Variants in ZMYM2 observed in about 807,000 individuals in gnomAD.
ZMYM2 encodes the protein zinc finger MYM-type containing 2.
A neutral mutation model predicts 162.8 loss-of-function variants in ZMYM2; 56 were observed. That is an observed-to-expected ratio of 0.34 (90% CI 0.28 to 0.43). The LOEUF is 0.43. Among genes scored for constraint, ZMYM2 ranks in the 20% least tolerant of loss-of-function variants. The probability of loss-of-function intolerance (pLI) is 1.00; values close to 1 mark genes in which losing one functional copy is unlikely to be tolerated. For missense variants in ZMYM2, 1,275 were observed against 1,621.8 expected, an observed-to-expected ratio of 0.79 and a Z score of 3.67; for synonymous variants, 510 against 541.6, an observed-to-expected ratio of 0.94 and a Z score of 0.81.
At chr13:19,929,712 T>C in the ZMYM2 span, among the ~76,000 whole-genome samples, 1 of 152,248 alleles carries the variant, frequency 6.6e-6, no homozygotes, top group Non-Finnish European at 1.5e-5. Flanking sequence ...CTCAGACTTC[T>C]ATTTTCTAAT....
At chr13:19,952,242 G>A in the ZMYM2 span, among the ~76,000 whole-genome samples, 1 of 152,226 alleles carries the variant, frequency 6.6e-6, no homozygotes, top group Admixed American at 6.5e-5. Context: ...GGTGGCATGA[G>A]AGTTTGGTGG....
At chr13:19,994,859 GTC>G (rs1401461677) in intron 3 of ZMYM2, among the ~76,000 whole-genome samples, 1 of 151,878 alleles carries the variant, frequency 6.6e-6, no homozygotes, top group Non-Finnish European at 1.5e-5. Flanking sequence ...TTGGGACAGG[GTC>G]TCTCTCTGTC....
chr13:19,932,311 A>G, the ZMYM2 span, among the ~76,000 whole-genome samples: 1 of 152,156 alleles, frequency 6.6e-6, no homozygotes, highest in Admixed American at 6.6e-5. Context: ...AGAGGAAGTC[A>G]GGAGGGTGAG....
chr13:19,937,624 AT>A, the ZMYM2 span, among the ~76,000 whole-genome samples: 4,249 of 147,052 alleles, frequency 0.029, 148 homozygotes, highest in African/African-American at 0.085. Context: ...TTTTTAAATT[AT>A]TTTTTTTATA....
At chr13:20,030,547 T>C (rs1451800961) in intron 9 of ZMYM2, among the ~76,000 whole-genome samples, 18 of 152,266 alleles carry the variant, frequency 1.2e-4, no homozygotes, top group Non-Finnish European at 2.4e-4. Flanking sequence ...TACAGGCACC[T>C]GCCACCACCC....
At position 20,082,103 on chromosome 13, in the gene ZMYM2, A is replaced by G. The variant is rs1566477572; in HGVS notation, c.3541A>G (p.Ser1181Gly). Residue 1181 changes from serine (S) to glycine (G), a missense_variant, in exon 22 of 25, where the codon AGC becomes GGC. Physicochemically the swap from Ser to Gly is moderately conservative, Grantham distance 56. Around this residue, in one of 10 missense-constraint regions of ZMYM2, gnomAD observed 103 missense variants for 192.2 expected, o/e 0.54. Coordinates refer to ENST00000610343, the MANE Select transcript of ZMYM2 (RefSeq NM_197968.4). ...GCAAGAATTGAATAAAATACTGCGA[A>G]GCTGGCAACCAAGCATACTTCCAGA... is the stretch of plus-strand genomic sequence containing the variant. ...FEQELNKILR[S>G]WQPSILPDGS... The G allele has an allele frequency of 6.2e-7, 1 of 1,605,640 alleles. No individual in the cohort carries two copies. Among genetic ancestry groups the G allele is most frequent in the East Asian group, 2.3e-5 (1 of 44,396 alleles).
At chr13:19,991,180 C>T (rs559869650) in intron 2 of ZMYM2, among the ~76,000 whole-genome samples, 12 of 151,702 alleles carry the variant, frequency 7.9e-5, no homozygotes. Context: ...GTGGCACAAT[C>T]GTAGCTCACT....
chr13:19,931,472 A>G, the ZMYM2 span, among the ~76,000 whole-genome samples: 1 of 152,154 alleles, frequency 6.6e-6, no homozygotes, highest in Non-Finnish European at 1.5e-5. Context: ...TGTTTCACCT[A>G]TCCGTCCCTC....
chr13:19,917,025 C>A, the ZMYM2 span, among the ~76,000 whole-genome samples: 1 of 152,088 alleles, frequency 6.6e-6, no homozygotes, highest in Admixed American at 6.5e-5. Context: ...TCCAGTGGAG[C>A]GATCTCCGCT....
chr13:20,035,693 TC>T (rs1200338022), intron 11 of ZMYM2, among the ~76,000 whole-genome samples: 1 of 152,274 alleles, frequency 6.6e-6, no homozygotes, highest in African/African-American at 2.4e-5. Context: ...ATTTATACAT[TC>T]AGATCGGTAA....
At position 20,006,554 on chromosome 13, in the gene ZMYM2, T is replaced by G; in HGVS notation, c.1480T>G (p.Cys494Gly). 1 of 1,613,882 alleles carries G rather than the reference T, an allele frequency of 6.2e-7. No homozygotes were observed. The highest frequency in any genetic ancestry group is 8.5e-7 in the Non-Finnish European group (1 of 1,179,834). Reference sequence around the variant, plus strand: ...GATTGATGGTCAACAGAAAAGATTTTGCTGTCAAAGTTGTGTCAGTGAATA... The same window carrying G: ...GATTGATGGTCAACAGAAAAGATTTGGCTGTCAAAGTTGTGTCAGTGAATA... ...LVIDGQQKRFCCQSCVSEYKQ... is the reference protein window; with the variant it reads ...LVIDGQQKRFGCQSCVSEYKQ... The change falls in exon 6 of 25, where the codon TGC becomes GGC. Residue 494 changes from cysteine to glycine, a missense_variant. Physicochemically the swap from Cys to Gly is radical, Grantham distance 159. Around this residue, in one of 10 missense-constraint regions of ZMYM2, gnomAD observed 276 missense variants for 311.8 expected, o/e 0.89. Transcript: ENST00000610343.
chr13:19,890,973 T>C, the ZMYM2 span, among the ~76,000 whole-genome samples: 3 of 152,048 alleles, frequency 2.0e-5, no homozygotes, highest in East Asian at 5.8e-4. Flanking sequence ...TATAAGTGGT[T>C]AGAGCCTAGG....
At chr13:20,027,414 A>G in intron 9 of ZMYM2, 96 bp downstream of exon 9, 1 of 964,182 alleles carries the variant, frequency 1.0e-6, no homozygotes, top group Non-Finnish European at 1.4e-6. Context: ...CTTAATTTTT[A>G]CGTAGCTTGT....
intron 4 of ZMYM2, among the ~76,000 whole-genome samples, chr13:20,004,719 AG>A (rs1179918750): frequency 6.6e-6 from 1 of 152,196 alleles, no homozygotes; most frequent in Non-Finnish European, 1.5e-5. Flanking sequence ...CTACTTATCC[AG>A]GGGAGGGAAT....
chr13:19,985,122 T>C (rs1327245400), intron 2 of ZMYM2, among the ~76,000 whole-genome samples: 2 of 152,164 alleles, frequency 1.3e-5, no homozygotes, highest in African/African-American at 4.8e-5. Context: ...TTCAGCTTCA[T>C]TGTGTTTTTT....
chr13:19,910,622 C>T, the ZMYM2 span, among the ~76,000 whole-genome samples: 5 of 150,980 alleles, frequency 3.3e-5, no homozygotes, highest in African/African-American at 9.8e-5. Flanking sequence ...TCCTCCCGGG[C>T]GTGAACCACC....
chr13:20,045,843 T>C (rs554591442), intron 12 of ZMYM2, among the ~76,000 whole-genome samples: 2 of 152,106 alleles, frequency 1.3e-5, no homozygotes, highest in Non-Finnish European at 2.9e-5. Context: ...TAATATTGTA[T>C]AATAATCTTT....
Position 20,034,267 on chromosome 13 carries a change from A to G in ZMYM2, c.1982A>G (p.Gln661Arg), listed in dbSNP as rs1393764720. The change falls in exon 11 of 25, where the codon CAG becomes CGG. Residue 661 changes from glutamine (Q) to arginine (R), a missense_variant. Gln to Arg is a conservative substitution (Grantham distance 43). Coordinates refer to ENST00000610343, the MANE Select transcript of ZMYM2 (RefSeq NM_197968.4). ...EILEWENKVHQFCSKTCSDDY... is the reference protein window; with the variant it reads ...EILEWENKVHRFCSKTCSDDY... ...TTGTGCATTTAGAACAAAGTGCATC[A>G]GTTCTGCAGCAAAACTTGTTCAGAT... 1 of 1,596,204 alleles carries G rather than the reference A, an allele frequency of 6.3e-7. No homozygotes were observed. Among genetic ancestry groups the G allele is most frequent in the East Asian group, 2.3e-5 (1 of 44,106 alleles).
intron 21 of ZMYM2, among the ~76,000 whole-genome samples, chr13:20,071,292 T>A (rs1332899687): frequency 6.6e-6 from 1 of 152,208 alleles, no homozygotes; most frequent in East Asian, 1.9e-4. Flanking sequence ...GGAAGGAAAG[T>A]CTTGAGTGTT....
Sources: gnomAD v4.1 joint callset for allele counts (sites outside exome capture counted in the v4.1 genomes callset) on GRCh38, gnomAD v4.1.1 for gene constraint, gnomAD v4.1.1 regional missense constraint, MANE v1.5 for transcripts, NCBI Gene and HGNC (gene_info 2026-07-23, HGNC 2026-07-21) for gene names.